The following TTC7A variants were observed in gnomAD, a reference collection of about 807,000 sequenced individuals.
TTC7A encodes the protein tetratricopeptide repeat protein 7A.
TTC7A carries 110 observed loss-of-function variants against 103.7 expected under a neutral mutation model. The ratio of observed to expected loss-of-function variants is 1.06; its 90% CI spans 0.91 to 1.24. The LOEUF (loss-of-function observed/expected upper bound fraction) is 1.24. Among genes scored for constraint, TTC7A ranks in the 50% most tolerant of loss-of-function variants. The pLI is 0.00. For missense variants in TTC7A, 1,340 were observed against 1,116.3 expected (o/e 1.20, Z -2.86); for synonymous variants, 521 against 467.9 (o/e 1.11, Z -1.47).
intron 5 of TTC7A, among the ~76,000 whole-genome samples, chr2:46,989,577 G>A (rs916732593): frequency 6.6e-6 from 1 of 151,660 alleles, no homozygotes; most frequent in African/African-American, 2.4e-5. Context: ...TGGGACCCCA[G>A]ATCTCTCCCT....
intron 11 of TTC7A, among the ~76,000 whole-genome samples, chr2:47,020,424 T>C (rs1334284756): frequency 6.6e-6 from 1 of 152,058 alleles, no homozygotes; most frequent in East Asian, 1.9e-4. Context: ...AGCTGTGGGG[T>C]TTCCCCGACT....
At chr2:46,974,598 A>G in intron 3 of TTC7A, 2 of 452,012 alleles carry the variant, frequency 4.4e-6, no homozygotes, top group Non-Finnish European at 8.9e-6. Flanking sequence ...TAAAGAGCTA[A>G]GTAGGAAATG....
At position 47,006,040 on chromosome 2, in the gene TTC7A, A is replaced by C. The variant is rs1402727709; in HGVS notation, c.1184A>C (p.Gln395Pro). The C allele has an allele frequency of 6.2e-7, 1 of 1,613,790 alleles. No individual in the cohort carries two copies. Among genetic ancestry groups the C allele is most frequent in the African/African-American group, 1.3e-5 (1 of 74,956 alleles). The change falls in exon 9 of 20, where the codon CAG becomes CCG. Residue 395 changes from glutamine (Q) to proline (P), a missense_variant. Gln to Pro is a moderately conservative substitution (Grantham distance 76, BLOSUM62 -1). Transcript: ENST00000319190. The part of the protein sequence containing the change: ...LLSITLGRRG[Q>P]YVMLSECLER... ...AGCATCACGTTGGGCAGAAGGGGAC[A>C]GTACGTCATGCTCTCGGAGGTACGG...
In TTC7A at chr2:47,024,230, C is replaced by T; in HGVS notation, c.1569-57C>T. The T allele has an allele frequency of 2.0e-6, 3 of 1,470,462 alleles. No homozygotes were observed. In the South Asian group the frequency reaches 3.8e-5, roughly 19 times the overall value. The allele number at this position is 1,470,462 out of a possible 1,614,324, so 91.1% of individuals were successfully genotyped here. ...GGGCTGGCATGCTGGAGGCCCGAGT[C>T]ACACGTTGGTCACTCAACCCCTGGT... On this transcript the variant is annotated intron_variant, in intron 13 of 19. Coordinates refer to ENST00000319190, the MANE Select transcript of TTC7A (RefSeq NM_020458.4).
At chr2:47,003,505 C>G (rs1173933528) in intron 8 of TTC7A, among the ~76,000 whole-genome samples, 6 of 152,292 alleles carry the variant, frequency 3.9e-5, no homozygotes, top group African/African-American at 1.4e-4. Flanking sequence ...GCCAGTTAGG[C>G]TGCCCCAGAA....
intron 3 of TTC7A, among the ~76,000 whole-genome samples, chr2:46,961,182 C>T (rs1483677552): frequency 6.6e-6 from 1 of 152,158 alleles, no homozygotes; most frequent in South Asian, 2.1e-4. Flanking sequence ...TGTTCCCAGC[C>T]GATTCCAGGT....
intron 15 of TTC7A, among the ~76,000 whole-genome samples, chr2:47,030,190 C>G (rs1680380648): frequency 6.6e-6 from 1 of 152,238 alleles, no homozygotes; most frequent in South Asian, 2.1e-4. Flanking sequence ...TTAGAACCAG[C>G]CCAAGGCTGT....
chr2:46,955,152 A>G (rs1671738051), intron 2 of TTC7A, among the ~76,000 whole-genome samples: 1 of 151,170 alleles, frequency 6.6e-6, no homozygotes, highest in Admixed American at 6.6e-5. Flanking sequence ...TAATGCCTTC[A>G]GCATCGCTGT....
rs1304288928 is a variant in TTC7A at position 47,007,917 on chromosome 2, G to T, written c.1287+1193G>T. Among the ~76,000 whole-genome samples, 2 of 152,242 alleles carry T rather than the reference G, an allele frequency of 1.3e-5. No individual in the cohort carries two copies. The highest frequency in any genetic ancestry group is 2.9e-5 in the Non-Finnish European group (2 of 68,046). ...AATTCAGAACACAGGGCAAGGCCCT[G>T]GCCCTCCAAGGGTTAGAGAGTGAGA... On this transcript the variant is annotated intron_variant, in intron 10 of 19. Transcript: ENST00000319190. This position sits in a 1 kb window ranked among gnomAD's most constrained non-coding sequence, Gnocchi z 4.9.
At chr2:46,994,142 G>C (rs2104385466) in intron 6 of TTC7A, 2 of 574,316 alleles carry the variant, frequency 3.5e-6, no homozygotes, top group Non-Finnish European at 3.1e-6. Context: ...AGATGAGGTA[G>C]GAGCCGTCTG....
upstream of TTC7A, among the ~76,000 whole-genome samples, chr2:46,938,447 G>A (rs1315309093): frequency 3.9e-5 from 6 of 151,978 alleles, no homozygotes; most frequent in Admixed American, 2.6e-4. Context: ...ACCTTCAACC[G>A]AGGGGGTATT....
intron 15 of TTC7A, among the ~76,000 whole-genome samples, chr2:47,032,661 TGTCCAGGGCTGTGG>T (rs1303088714): frequency 6.6e-6 from 1 of 151,824 alleles, no homozygotes; most frequent in Non-Finnish European, 1.5e-5. Flanking sequence ...TTAGTCTGCT[TGTCCAGGGCTGTGG>T]GTCTAGGGGG....
At chr2:46,964,127 T>G (rs943439452) in intron 3 of TTC7A, among the ~76,000 whole-genome samples, 1 of 152,208 alleles carries the variant, frequency 6.6e-6, no homozygotes, top group Non-Finnish European at 1.5e-5. Flanking sequence ...GCATTCAGGC[T>G]TGTTCGATTG....
chr2:47,028,217 G>T (rs1481142396), intron 14 of TTC7A, among the ~76,000 whole-genome samples: 1 of 152,172 alleles, frequency 6.6e-6, no homozygotes, highest in African/African-American at 2.4e-5. Context: ...ACCCATCCTG[G>T]CAAGGTGGCA....
Position 46,995,139 on chromosome 2 carries a change from C to T in TTC7A, c.1005C>T (p.Leu335=), listed in dbSNP as rs1676047073. 6.2e-7 allele frequency: 1 copy of T among 1,614,060 alleles called. No individual in the cohort carries two copies. Among genetic ancestry groups the T allele is most frequent in the African/African-American group, 1.3e-5 (1 of 74,936 alleles). Residue 335 remains leucine (L), a synonymous_variant, in exon 8 of 20, where the codon CTC becomes CTT. Transcript: ENST00000319190. ...RKPHLYEGDN[L]YCPKDNIEEA... ...GCCTGTCATTGGTGTCTTTCAGCCTCTACTGCCCCAAGGACAACATCGAGG... is the reference window on the plus strand; with the variant it reads ...GCCTGTCATTGGTGTCTTTCAGCCTTTACTGCCCCAAGGACAACATCGAGG...
intron 18 of TTC7A, among the ~76,000 whole-genome samples, chr2:47,056,745 G>A (rs1357646682): frequency 6.6e-6 from 1 of 152,176 alleles, no homozygotes; most frequent in Admixed American, 6.5e-5. Flanking sequence ...GAGGGAAGAG[G>A]AGGAAAACCG....
chr2:47,049,080 C>G (rs1403389264), intron 16 of TTC7A, among the ~76,000 whole-genome samples: 1 of 152,144 alleles, frequency 6.6e-6, no homozygotes, highest in Non-Finnish European at 1.5e-5. Flanking sequence ...CAAGGACACC[C>G]CTGGTATTCA....
chr2:47,054,089 A>T (rs556916453), intron 18 of TTC7A: 1 of 984,702 alleles, frequency 1.0e-6, no homozygotes. Context: ...ATTGTCTTAG[A>T]TATTCACTCC....
rs761530933 is a variant in TTC7A, at chr2:47,021,954, C to T, written c.1485C>T (p.Leu495=). ...FLPKGYLALG[L]TYSLQATDAT... ...CCAAGGGCTACCTGGCTCTGGGTCT[C>T]ACCTATAGCCTGCAGGCCACCGACG... Residue 495 remains leucine, a synonymous_variant, in exon 12 of 20, where the codon CTC becomes CTT. Coordinates refer to ENST00000319190, the MANE Select transcript of TTC7A (RefSeq NM_020458.4). 2.0e-5 allele frequency: 33 copies of T among 1,613,230 alleles called. No homozygotes were observed. The highest frequency in any genetic ancestry group is 2.7e-5 in the Non-Finnish European group (32 of 1,179,388).
Sources: gnomAD v4.1 joint callset for allele counts (sites outside exome capture counted in the v4.1 genomes callset) on GRCh38, gnomAD v4.1.1 for gene constraint, Gnocchi (gnomAD v3.1) non-coding constraint, MANE v1.5 for transcripts, NCBI Gene and HGNC (gene_info 2026-07-23, HGNC 2026-07-21) for gene names.